Variants in UTRN observed in about 807,000 individuals in gnomAD.
The protein encoded by UTRN is dystrophin-related protein 1.
A neutral mutation model predicts 463.9 loss-of-function variants in UTRN; 283 were observed. The observed-to-expected ratio is 0.61, with a 90% CI of 0.55 to 0.67. The LOEUF (loss-of-function observed/expected upper bound fraction) is 0.67, where lower values mean the gene tolerates loss of function less well. UTRN is among the 30% of genes least tolerant of loss of function. UTRN has a pLI of 0.00. For missense variants in UTRN, 3,922 were observed against 4,084.3 expected (o/e 0.96, Z 1.08); for synonymous variants, 1,442 against 1,431.5 (o/e 1.01, Z -0.17).
chr6:144,400,693 CTG>C (rs1335217314), intron 2 of UTRN, among the ~76,000 whole-genome samples: 2 of 152,088 alleles, frequency 1.3e-5, no homozygotes, highest in Non-Finnish European at 2.9e-5. Context: ...CCATTTTTAA[CTG>C]TATCAAGAGA....
intron 1 of UTRN, among the ~76,000 whole-genome samples, chr6:144,291,090 A>G (rs1804203285): frequency 6.6e-6 from 1 of 152,124 alleles, no homozygotes; most frequent in Non-Finnish European, 1.5e-5. Flanking sequence ...GATCTTTTAA[A>G]AAGGCCAATT....
intron 64 of UTRN, among the ~76,000 whole-genome samples, chr6:144,802,833 G>A (rs142198298): frequency 3.0e-4 from 45 of 151,910 alleles, no homozygotes; most frequent in African/African-American, 7.5e-4. Context: ...TTTTCCATTC[G>A]TATTCAAACA....
intron 41 of UTRN, among the ~76,000 whole-genome samples, chr6:144,524,971 T>C (rs916714938): frequency 2.6e-5 from 4 of 152,190 alleles, no homozygotes; most frequent in African/African-American, 7.2e-5. Context: ...TTGTTTTAAT[T>C]CTGTTTATGT....
At chr6:144,622,892 T>A (rs1775577962) in intron 51 of UTRN, among the ~76,000 whole-genome samples, 1 of 152,226 alleles carries the variant, frequency 6.6e-6, no homozygotes, top group East Asian at 1.9e-4. Flanking sequence ...GGATCACCTT[T>A]GTTTTTAAAA....
intron 52 of UTRN, among the ~76,000 whole-genome samples, chr6:144,699,425 G>A (rs552785038): frequency 2.3e-5 from 3 of 129,512 alleles, no homozygotes; most frequent in African/African-American, 8.7e-5. Flanking sequence ...GGGTGACAGA[G>A]CAATACTCTG....
chr6:144,665,785 G>C (rs993785066), intron 51 of UTRN, among the ~76,000 whole-genome samples: 1 of 152,180 alleles, frequency 6.6e-6, no homozygotes, highest in African/African-American at 2.4e-5. Flanking sequence ...AGAAAAGTGT[G>C]TAGTCCTATT....
intron 23 of UTRN, among the ~76,000 whole-genome samples, chr6:144,467,204 T>C (rs1253077125): frequency 1.3e-5 from 2 of 152,240 alleles, no homozygotes; most frequent in Non-Finnish European, 2.9e-5. Flanking sequence ...GAAAATGTCA[T>C]GTACTTGCTA....
chr6:144,536,303 C>T (rs919291771), intron 43 of UTRN, among the ~76,000 whole-genome samples: 7 of 152,072 alleles, frequency 4.6e-5, no homozygotes, highest in Admixed American at 6.5e-5. Flanking sequence ...AAACATTGGA[C>T]GTGAAATTTC....
chr6:144,734,650 A>T (rs1434523919), intron 54 of UTRN, among the ~76,000 whole-genome samples: 2 of 152,316 alleles, frequency 1.3e-5, no homozygotes, highest in African/African-American at 4.8e-5. Flanking sequence ...AAAGGTACCT[A>T]GAATATGATC....
intron 1 of UTRN, among the ~76,000 whole-genome samples, chr6:144,290,378 C>T (rs1391551704): frequency 2.0e-5 from 3 of 152,156 alleles, no homozygotes; most frequent in Admixed American, 6.5e-5. Context: ...GTTTTCAAGA[C>T]GCTGACAGTT....
chr6:144,595,860 T>C (rs943300357), intron 51 of UTRN, among the ~76,000 whole-genome samples: 1 of 152,228 alleles, frequency 6.6e-6, no homozygotes, highest in Non-Finnish European at 1.5e-5. Context: ...GTGAATAACC[T>C]GAATTAATGA....
At chr6:144,800,656 G>A (rs753733960) in intron 64 of UTRN, among the ~76,000 whole-genome samples, 4 of 152,174 alleles carry the variant, frequency 2.6e-5, no homozygotes, top group Non-Finnish European at 4.4e-5. Context: ...TTTCCTCATA[G>A]GAATAGTTAA....
At chr6:144,380,289 A>T (rs1780794786) in intron 2 of UTRN, among the ~76,000 whole-genome samples, 1 of 152,194 alleles carries the variant, frequency 6.6e-6, no homozygotes, top group Non-Finnish European at 1.5e-5. Flanking sequence ...TATTTTAAAT[A>T]AATATAAAAT....
chr6:144,376,423 C>G (rs1780468717), intron 2 of UTRN, among the ~76,000 whole-genome samples: 2 of 151,684 alleles, frequency 1.3e-5, no homozygotes, highest in South Asian at 4.2e-4. Context: ...CCACTGCACT[C>G]CAGCCTGGTG....
intron 66 of UTRN, among the ~76,000 whole-genome samples, chr6:144,827,029 A>G (rs568012787): frequency 1.3e-5 from 2 of 152,274 alleles, no homozygotes; most frequent in African/African-American, 4.8e-5. Context: ...GTATCTTTAC[A>G]TTATTCTATA....
In UTRN at chr6:144,699,649, C is replaced by T. The variant is rs548597740; in HGVS notation, c.7653-438C>T. ...TGAGAAAAAAATATATTTGGATGTG[C>T]GTATATACTATACATAAACTATCAA... On this transcript the variant is annotated intron_variant, in intron 52 of 74. Coordinates refer to ENST00000367545, the MANE Select transcript of UTRN (RefSeq NM_007124.3). Among the ~76,000 whole-genome samples the T allele has an allele frequency of 4.9e-4, 73 of 149,960 alleles. 2 individuals are homozygous for T. Among genetic ancestry groups the T allele is most frequent in the African/African-American group, 1.7e-3 (70 of 41,124 alleles).
chr6:144,670,648 C>T (rs888210535), intron 51 of UTRN, among the ~76,000 whole-genome samples: 3 of 151,980 alleles, frequency 2.0e-5, no homozygotes, highest in South Asian at 2.1e-4. Flanking sequence ...AATTAAGTCC[C>T]GTCTATTTAT....
chr6:144,708,376 T>G, intron 53 of UTRN: 1 of 653,650 alleles, frequency 1.5e-6, no homozygotes, highest in Non-Finnish European at 2.9e-6. Context: ...GTGCCATTTT[T>G]TAGATAAAGT....
chr6:144,770,289 A>C (rs1266297371), intron 58 of UTRN, among the ~76,000 whole-genome samples: 2 of 152,196 alleles, frequency 1.3e-5, no homozygotes, highest in Non-Finnish European at 2.9e-5. Context: ...TTCAAAGGTA[A>C]GTATGAGTTA....
Sources: gnomAD v4.1 joint callset for allele counts (sites outside exome capture counted in the v4.1 genomes callset) on GRCh38, gnomAD v4.1.1 for gene constraint, MANE v1.5 for transcripts, NCBI Gene and HGNC (gene_info 2026-07-23, HGNC 2026-07-21) for gene names.